The following FSTL4 variants were observed in gnomAD, a reference collection of about 807,000 sequenced individuals.
FSTL4 encodes the protein follistatin like 4.
FSTL4 carries 28 observed loss-of-function variants against 78.2 expected under a neutral mutation model. The ratio of observed to expected loss-of-function variants is 0.36; its 90% confidence interval spans 0.27 to 0.49. The LOEUF is 0.49. FSTL4 is among the 20% of genes least tolerant of loss of function. FSTL4 has a pLI of 0.98. For synonymous variants in FSTL4, 422 were observed against 440.5 expected, an observed-to-expected ratio of 0.96 and a Z score of 0.53; for missense variants, 922 against 1,084.9, an observed-to-expected ratio of 0.85 and a Z score of 2.11.
chr5:133,461,118 A>C (rs1757583411), intron 3 of FSTL4, among the ~76,000 whole-genome samples: 1 of 152,214 alleles, frequency 6.6e-6, no homozygotes. Context: ...CTAATGCTAA[A>C]CTGCTGGGAG....
At chr5:133,647,654 C>A in the FSTL4 span, among the ~76,000 whole-genome samples, 1 of 152,194 alleles carries the variant, frequency 6.6e-6, no homozygotes, top group South Asian at 2.1e-4. Flanking sequence ...CAGCCTCAAG[C>A]CATAAGCTAA....
chr5:133,276,972 GA>G, intron 6 of FSTL4, among the ~76,000 whole-genome samples: 1 of 152,148 alleles, frequency 6.6e-6, no homozygotes, highest in Non-Finnish European at 1.5e-5. Flanking sequence ...TGAGTCCGTT[GA>G]TACAAAGTTC....
At chr5:133,491,876 G>A (rs1210303467) in intron 3 of FSTL4, among the ~76,000 whole-genome samples, 1 of 151,990 alleles carries the variant, frequency 6.6e-6, no homozygotes, top group African/African-American at 2.4e-5. Context: ...ACATATTACT[G>A]ATATATTCAG....
chr5:133,555,450 TCTC>T (rs1759767700), intron 3 of FSTL4, among the ~76,000 whole-genome samples: 1 of 152,176 alleles, frequency 6.6e-6, no homozygotes, highest in African/African-American at 2.4e-5. Flanking sequence ...TGAGTATCAG[TCTC>T]CTCCTCTGTC....
chr5:133,230,682 T>C (rs895659878), intron 8 of FSTL4, among the ~76,000 whole-genome samples: 9 of 152,126 alleles, frequency 5.9e-5, no homozygotes, highest in Non-Finnish European at 1.2e-4. Context: ...TGCCCCTGCG[T>C]CTCCCCAGTT....
At chr5:133,786,303 G>A in the FSTL4 span, among the ~76,000 whole-genome samples, 19 of 152,270 alleles carry the variant, frequency 1.2e-4, no homozygotes, top group African/African-American at 2.2e-4. Flanking sequence ...TTTAACGGCC[G>A]CAGTTAAATG....
rs954222268 is a variant in FSTL4, at chr5:133,197,039, C to T, written c.*2056G>A. Reference sequence around the variant, plus strand: ...TGCTGCAGAAGTTGACTCTGTCACTCCTGATTATTTTAAAAGGCCAGTTTG... The same window carrying T: ...TGCTGCAGAAGTTGACTCTGTCACTTCTGATTATTTTAAAAGGCCAGTTTG... On this transcript the variant is annotated 3_prime_UTR_variant, in exon 16 of 16. Transcript: ENST00000265342. 2 of 152,120 alleles carry T rather than the reference C, an allele frequency of 1.3e-5. No homozygotes were observed. The highest frequency in any genetic ancestry group is 4.8e-5 in the African/African-American group (2 of 41,410). The allele number at this position is 152,120 out of a possible 1,614,324, so 9.4% of individuals were successfully genotyped here. A position where few individuals can be genotyped will look rare whatever the true frequency, so the allele number is the denominator to read the frequency against.
the FSTL4 span, among the ~76,000 whole-genome samples, chr5:133,656,292 T>A: frequency 2.0e-5 from 3 of 152,188 alleles, no homozygotes; most frequent in South Asian, 6.2e-4. Context: ...ATAAAACACA[T>A]GTCTCTAAGT....
At chr5:133,539,949 G>GTTT (rs10623473) in intron 3 of FSTL4, among the ~76,000 whole-genome samples, 83 of 147,214 alleles carry the variant, frequency 5.6e-4, no homozygotes, top group Admixed American at 7.4e-4. Context: ...TTCTGTGAAG[G>GTTT]TTTTTTTTTT....
At chr5:133,756,899 AACCAGTTTCTGGGAATCT>A in the FSTL4 span, among the ~76,000 whole-genome samples, 1 of 152,086 alleles carries the variant, frequency 6.6e-6, no homozygotes, top group African/African-American at 2.4e-5. Flanking sequence ...CCCCCTCAGT[AACCAGTTTCTGGGAATCT>A]ACCATGTACA....
chr5:133,400,623 C>A, intron 4 of FSTL4, 115 bp downstream of exon 4: 1 of 974,898 alleles, frequency 1.0e-6, no homozygotes, highest in Non-Finnish European at 1.5e-6. Context: ...CAGTCTTTGT[C>A]TTTATTTCCT....
intron 2 of FSTL4, among the ~76,000 whole-genome samples, chr5:133,575,711 G>T (rs531783382): frequency 6.6e-6 from 1 of 152,158 alleles, no homozygotes; most frequent in African/African-American, 2.4e-5. Flanking sequence ...ATGACACCAA[G>T]GCCCTGGATG....
At chr5:133,232,254 T>C (rs985883785) in intron 8 of FSTL4, among the ~76,000 whole-genome samples, 3 of 152,186 alleles carry the variant, frequency 2.0e-5, no homozygotes, top group African/African-American at 7.2e-5. Flanking sequence ...TGGAATGGTT[T>C]CTTTAGTCAA....
At chr5:133,822,960 C>G in the FSTL4 span, among the ~76,000 whole-genome samples, 1 of 152,198 alleles carries the variant, frequency 6.6e-6, no homozygotes, top group Admixed American at 6.5e-5. Context: ...CAGACAGTCT[C>G]TCTGCCCTGG....
intron 4 of FSTL4, among the ~76,000 whole-genome samples, chr5:133,399,847 G>A (rs1218628064): frequency 6.6e-6 from 1 of 152,214 alleles, no homozygotes; most frequent in Non-Finnish European, 1.5e-5. Flanking sequence ...CTGCCTGCAA[G>A]CTGCTTCTGT....
intron 3 of FSTL4, among the ~76,000 whole-genome samples, chr5:133,507,885 AT>A (rs1758645761): frequency 8.2e-6 from 1 of 121,310 alleles, no homozygotes; most frequent in African/African-American, 2.5e-5. Flanking sequence ...AAAAAGTAGA[AT>A]TTTTTAAAAA....
At chr5:133,433,600 C>T (rs1471819316) in intron 3 of FSTL4, among the ~76,000 whole-genome samples, 1 of 152,030 alleles carries the variant, frequency 6.6e-6, no homozygotes, top group African/African-American at 2.4e-5. Flanking sequence ...TTCTCATGGG[C>T]AAAGCTTAGA....
intron 4 of FSTL4, among the ~76,000 whole-genome samples, chr5:133,385,928 T>C (rs1755689198): frequency 1.3e-5 from 2 of 151,984 alleles, no homozygotes; most frequent in South Asian, 2.1e-4. Context: ...TCACTATGTG[T>C]GTGTGTTTTT....
chr5:133,457,304 C>A (rs1757511137), intron 3 of FSTL4, among the ~76,000 whole-genome samples: 1 of 152,202 alleles, frequency 6.6e-6, no homozygotes, highest in Non-Finnish European at 1.5e-5. Flanking sequence ...CTTTCCTTTG[C>A]TGGCTGCTTC....
Sources: gnomAD v4.1 joint callset for allele counts (sites outside exome capture counted in the v4.1 genomes callset) on GRCh38, gnomAD v4.1.1 for gene constraint, MANE v1.5 for transcripts, NCBI Gene and HGNC (gene_info 2026-07-23, HGNC 2026-07-21) for gene names.